ZMAT4: variants seen among roughly 807,000 people sequenced by gnomAD.
ZMAT4 encodes the protein zinc finger matrin-type protein 4.
A neutral mutation model predicts 28.7 loss-of-function variants in ZMAT4; 17 were observed. The ratio of observed to expected loss-of-function variants is 0.59; its 90% confidence interval spans 0.41 to 0.89. The LOEUF (loss-of-function observed/expected upper bound fraction) is 0.89. Among genes scored for constraint, ZMAT4 ranks in the 40% least tolerant of loss-of-function variants. The pLI is 0.00. For missense variants in ZMAT4, 240 were observed against 283.8 expected (o/e 0.85, Z 1.11); for synonymous variants, 117 against 109.2 (o/e 1.07, Z -0.44).
At chr8:40,798,922 C>A (rs1814706037) in intron 2 of ZMAT4, among the ~76,000 whole-genome samples, 1 of 152,020 alleles carries the variant, frequency 6.6e-6, no homozygotes, top group Non-Finnish European at 1.5e-5. Flanking sequence ...TTTTTTCAGG[C>A]CAGTCCCCTC....
chr8:40,620,402 A>C (rs1029047485), intron 5 of ZMAT4, among the ~76,000 whole-genome samples: 3 of 152,232 alleles, frequency 2.0e-5, no homozygotes, highest in Admixed American at 6.5e-5. Flanking sequence ...GGATAAGGAC[A>C]CAGTGAGATC....
At chr8:40,738,730 A>T (rs1811879022) in intron 3 of ZMAT4, among the ~76,000 whole-genome samples, 1 of 152,180 alleles carries the variant, frequency 6.6e-6, no homozygotes, top group African/African-American at 2.4e-5. Flanking sequence ...GAAAAGGTTG[A>T]GTATAAAAGG....
At chr8:40,781,761 C>CAAAAAAAAAAAAAA (rs59432510) in intron 2 of ZMAT4, among the ~76,000 whole-genome samples, 18 of 38,518 alleles carry the variant, frequency 4.7e-4, no homozygotes, top group Non-Finnish European at 7.3e-4. Flanking sequence ...GACTCCGTCT[C>CAAAAAAAAAAAAAA]AAAAAAAAAA....
At chr8:40,822,488 C>T (rs1213100987) in intron 2 of ZMAT4, among the ~76,000 whole-genome samples, 1 of 152,192 alleles carries the variant, frequency 6.6e-6, no homozygotes, top group African/African-American at 2.4e-5. Context: ...TAGAGACCCA[C>T]TCCATAAGTC....
intron 6 of ZMAT4, among the ~76,000 whole-genome samples, chr8:40,542,824 TA>T (rs1419609584): frequency 6.6e-6 from 1 of 152,226 alleles, no homozygotes; most frequent in Non-Finnish European, 1.5e-5. Context: ...GATTTATCAC[TA>T]AATGGCTGCA....
chr8:40,585,568 G>A (rs1177263739), intron 5 of ZMAT4, among the ~76,000 whole-genome samples: 1 of 152,026 alleles, frequency 6.6e-6, no homozygotes, highest in Non-Finnish European at 1.5e-5. Flanking sequence ...AAATTTGTCA[G>A]AACAATACTG....
At chr8:40,796,447 C>T (rs923686270) in intron 2 of ZMAT4, among the ~76,000 whole-genome samples, 2 of 152,148 alleles carry the variant, frequency 1.3e-5, no homozygotes, top group South Asian at 4.1e-4. Flanking sequence ...GAGAAAAGCA[C>T]TTGAGGAAGG....
At chr8:40,725,383 T>C (rs1400643263) in intron 3 of ZMAT4, among the ~76,000 whole-genome samples, 1 of 152,120 alleles carries the variant, frequency 6.6e-6, no homozygotes, top group Non-Finnish European at 1.5e-5. Flanking sequence ...GGGGATATCT[T>C]TTGTTCTATT....
chr8:40,774,633 G>A (rs1813515884), intron 2 of ZMAT4, among the ~76,000 whole-genome samples: 1 of 151,460 alleles, frequency 6.6e-6, no homozygotes, highest in Middle Eastern at 3.2e-3. Context: ...CCATATAATA[G>A]ATACCAAAGA....
chr8:40,673,421 C>T (rs571917817), intron 5 of ZMAT4, among the ~76,000 whole-genome samples: 6 of 152,208 alleles, frequency 3.9e-5, no homozygotes, highest in Admixed American at 3.9e-4. Context: ...ATTGTAGGCT[C>T]TGTATGCAGA....
intron 3 of ZMAT4, among the ~76,000 whole-genome samples, chr8:40,765,565 A>G (rs1328541141): frequency 6.6e-6 from 1 of 152,234 alleles, no homozygotes; most frequent in Non-Finnish European, 1.5e-5. Flanking sequence ...GAAACAGCAG[A>G]GAAAAAAGGT....
chr8:40,814,078 G>T (rs185947460), intron 2 of ZMAT4, among the ~76,000 whole-genome samples: 3 of 152,150 alleles, frequency 2.0e-5, no homozygotes, highest in Non-Finnish European at 4.4e-5. Flanking sequence ...CTGAACAGGT[G>T]CAGTTACGCA....
intron 4 of ZMAT4, among the ~76,000 whole-genome samples, chr8:40,690,476 T>G (rs1809614031): frequency 6.6e-6 from 1 of 152,198 alleles, no homozygotes; most frequent in African/African-American, 2.4e-5. Context: ...CCAGCTTTCC[T>G]AATTTAAAAG....
chr8:40,598,300 A>G (rs1167351192), intron 5 of ZMAT4, among the ~76,000 whole-genome samples: 1 of 152,180 alleles, frequency 6.6e-6, no homozygotes, highest in African/African-American at 2.4e-5. Context: ...GCACCTATCA[A>G]TCCACCATCT....
At chr8:40,562,458 G>A (rs1483804964) in intron 6 of ZMAT4, among the ~76,000 whole-genome samples, 1 of 141,230 alleles carries the variant, frequency 7.1e-6, no homozygotes, top group Non-Finnish European at 1.5e-5. Flanking sequence ...AATTCCACCT[G>A]CTACTTATTT....
At chr8:40,825,756 G>C in intron 1 of ZMAT4, 76 bp from the exon 2 acceptor site, 1 of 1,218,446 alleles carries the variant, frequency 8.2e-7, no homozygotes, top group Non-Finnish European at 1.2e-6. Context: ...CGTATGAAAA[G>C]CCAGGATCAC....
At chr8:40,634,712 A>G (rs1806726848) in intron 5 of ZMAT4, among the ~76,000 whole-genome samples, 1 of 152,218 alleles carries the variant, frequency 6.6e-6, no homozygotes, top group African/African-American at 2.4e-5. Context: ...TCTTAAGACC[A>G]ATTACCTTCT....
intron 5 of ZMAT4, among the ~76,000 whole-genome samples, chr8:40,651,918 T>C: frequency 2.4e-5 from 3 of 123,588 alleles, no homozygotes; most frequent in Non-Finnish European, 5.2e-5. Flanking sequence ...TTACACCTTA[T>C]ACAAAAATCA....
chr8:40,795,779 C>T (rs1365487996), intron 2 of ZMAT4, among the ~76,000 whole-genome samples: 1 of 152,198 alleles, frequency 6.6e-6, no homozygotes, highest in Non-Finnish European at 1.5e-5. Context: ...AAACCGATGA[C>T]ATTCTTGAGC....
Sources: allele counts gnomAD v4.1 joint callset (sites outside exome capture counted in the v4.1 genomes callset), GRCh38; gene constraint gnomAD v4.1.1; transcripts MANE v1.5; gene names NCBI Gene and HGNC (gene_info 2026-07-23, HGNC 2026-07-21).